Variants in ILDR1 observed in about 807,000 individuals in gnomAD.
ILDR1 encodes the protein immunoglobulin-like domain-containing receptor 1.
Under a neutral mutation model 62.4 loss-of-function variants are expected in ILDR1, and 56 were observed. That is an observed-to-expected ratio of 0.90 (90% CI 0.72 to 1.12). The LOEUF (loss-of-function observed/expected upper bound fraction) is 1.12. ILDR1 is among the 50% of genes most tolerant of loss of function. ILDR1 has a pLI of 0.00. For missense variants in ILDR1, 736 were observed against 710.6 expected, an observed-to-expected ratio of 1.04 and a Z score of -0.41; for synonymous variants, 284 against 277.8, an observed-to-expected ratio of 1.02 and a Z score of -0.22.
intron 1 of ILDR1, among the ~76,000 whole-genome samples, chr3:122,018,082 C>T (rs1184779904): frequency 6.6e-6 from 1 of 152,154 alleles, no homozygotes; most frequent in East Asian, 1.9e-4. Context: ...ACGATAGAGA[C>T]ACATGCACAC....
At chr3:122,040,825 A>G in the ILDR1 span, among the ~76,000 whole-genome samples, 4 of 151,990 alleles carry the variant, frequency 2.6e-5, no homozygotes, top group African/African-American at 9.7e-5. Flanking sequence ...GACATAAAAG[A>G]AAATATAGAT....
At chr3:122,002,722 T>A (rs1186507264) in intron 3 of ILDR1, among the ~76,000 whole-genome samples, 1 of 152,080 alleles carries the variant, frequency 6.6e-6, no homozygotes, top group Admixed American at 6.6e-5. Context: ...CACCTCGGTA[T>A]AAAGCCAAGC....
At chr3:122,039,375 G>A in the ILDR1 span, among the ~76,000 whole-genome samples, 1 of 151,924 alleles carries the variant, frequency 6.6e-6, no homozygotes, top group South Asian at 2.1e-4. Flanking sequence ...GAGAGAAAAA[G>A]ATATTACACG....
In ILDR1 at chr3:122,001,763, C is replaced by T. The variant is rs1371681602; in HGVS notation, c.481G>A (p.Val161Ile). The change falls in exon 4 of 8, where the codon GTA becomes ATA. Residue 161 changes from valine to isoleucine, a missense_variant. Transcript: ENST00000344209. ...GDTSGDPDKE[V>I]KLIVLHWLTV... Reference sequence around the variant, plus strand: ...CACTTACGTAGGACGATGAGCTTTACTTCCTTATCGGGGTCTCCTGATGTG... The same window carrying T: ...CACTTACGTAGGACGATGAGCTTTATTTCCTTATCGGGGTCTCCTGATGTG... 5.0e-6 allele frequency: 8 copies of T among 1,612,362 alleles called. No individual in the cohort carries two copies. The highest frequency in any genetic ancestry group is 2.2e-5 in the East Asian group (1 of 44,820).
At chr3:122,004,255 G>C (rs1252742828) in intron 3 of ILDR1, among the ~76,000 whole-genome samples, 1 of 152,234 alleles carries the variant, frequency 6.6e-6, no homozygotes, top group Non-Finnish European at 1.5e-5. Context: ...AATAGGCTCT[G>C]AATTATGTGC....
At chr3:122,027,553 C>T in the ILDR1 span, among the ~76,000 whole-genome samples, 2 of 152,150 alleles carry the variant, frequency 1.3e-5, no homozygotes, top group African/African-American at 2.4e-5. Context: ...GATAAGAACC[C>T]TCAGTATCAT....
At chr3:121,995,531 C>A (rs2071423621) in intron 5 of ILDR1, among the ~76,000 whole-genome samples, 1 of 152,172 alleles carries the variant, frequency 6.6e-6, no homozygotes, top group South Asian at 2.1e-4. Flanking sequence ...GTAACAGAGT[C>A]CCCAGAAATG....
intron 7 of ILDR1, among the ~76,000 whole-genome samples, chr3:121,989,766 C>A (rs1222382124): frequency 6.6e-6 from 1 of 152,154 alleles, no homozygotes; most frequent in Non-Finnish European, 1.5e-5. Context: ...CTCAATATAA[C>A]CTCCATTTTC....
At chr3:122,035,274 A>G in the ILDR1 span, among the ~76,000 whole-genome samples, 1 of 152,136 alleles carries the variant, frequency 6.6e-6, no homozygotes, top group Non-Finnish European at 1.5e-5. Context: ...TCCCTGGGAG[A>G]AGGGCAAGTA....
the ILDR1 span, among the ~76,000 whole-genome samples, chr3:122,050,867 G>C: frequency 1.3e-5 from 2 of 152,142 alleles, no homozygotes; most frequent in South Asian, 4.1e-4. Context: ...GTTTAGGAAA[G>C]TCTTTATTTC....
At chr3:121,998,803 CT>C (rs1393840849) in intron 5 of ILDR1, among the ~76,000 whole-genome samples, 1 of 152,174 alleles carries the variant, frequency 6.6e-6, no homozygotes, top group Non-Finnish European at 1.5e-5. Flanking sequence ...TCCTCCACGA[CT>C]TTTCCCCTCC....
At chr3:122,032,917 T>TACAGCC in the ILDR1 span, among the ~76,000 whole-genome samples, 2 of 152,196 alleles carry the variant, frequency 1.3e-5, no homozygotes, top group South Asian at 4.1e-4. Context: ...TGAGAGACAC[T>TACAGCC]AAGTTAAAAA....
At chr3:122,047,978 T>C in the ILDR1 span, among the ~76,000 whole-genome samples, 2 of 152,368 alleles carry the variant, frequency 1.3e-5, no homozygotes, top group Middle Eastern at 6.8e-3. Flanking sequence ...GGCTAGGGCA[T>C]CCAGCACTGT....
At chr3:122,048,672 T>C in the ILDR1 span, among the ~76,000 whole-genome samples, 1 of 152,224 alleles carries the variant, frequency 6.6e-6, no homozygotes, top group Non-Finnish European at 1.5e-5. Context: ...TTTCTAGGAA[T>C]GTGTCCATTT....
chr3:122,003,148 C>T (rs2332032), intron 3 of ILDR1, among the ~76,000 whole-genome samples: 56,357 of 151,994 alleles, frequency 0.37, 11,176 homozygotes, highest in East Asian at 0.7. Context: ...GCAGGCAGTT[C>T]CAGCTCCCCC....
the ILDR1 span, among the ~76,000 whole-genome samples, chr3:122,050,307 G>T: frequency 1.3e-5 from 2 of 152,090 alleles, no homozygotes; most frequent in Non-Finnish European, 2.9e-5. Flanking sequence ...TTTGAAATTT[G>T]TTTTTTGTGT....
intron 7 of ILDR1, among the ~76,000 whole-genome samples, chr3:121,988,649 T>C (rs1333447958): frequency 6.6e-6 from 1 of 152,246 alleles, no homozygotes; most frequent in Non-Finnish European, 1.5e-5. Flanking sequence ...TCTGAAAATT[T>C]CTTCCAGTCT....
chr3:121,994,388 C>G, intron 5 of ILDR1, 75 bp from the exon 6 acceptor site: 1 of 1,458,812 alleles, frequency 6.9e-7, no homozygotes, highest in Non-Finnish European at 9.0e-7. Flanking sequence ...TTCTTTCCAC[C>G]TAGGGGCCTT....
Position 122,007,932 on chromosome 3 carries a change from CT to C in ILDR1, c.59-772del, listed in dbSNP as rs1490486966. Among the ~76,000 whole-genome samples the C allele has an allele frequency of 2.0e-5, 3 of 152,212 alleles. No homozygotes were observed. The East Asian group carries it at 5.8e-4, about 29-fold the overall frequency. On this transcript the variant is annotated intron_variant, in intron 1 of 7. Coordinates refer to ENST00000344209, the MANE Select transcript of ILDR1 (RefSeq NM_001199799.2). ...TTTTCCTAAGTGCGCCAACCTACCC[CT>C]AGGCAGCACTTTTCATGCTTCTTGT... is the stretch of plus-strand genomic sequence containing the variant.
Sources: gnomAD v4.1 joint callset for allele counts (sites outside exome capture counted in the v4.1 genomes callset) on GRCh38, gnomAD v4.1.1 for gene constraint, MANE v1.5 for transcripts, NCBI Gene and HGNC (gene_info 2026-07-23, HGNC 2026-07-21) for gene names.